Variants in FGGY observed in about 807,000 individuals in gnomAD.
FGGY encodes the protein FGGY carbohydrate kinase domain containing.
A neutral mutation model predicts 71.3 loss-of-function variants in FGGY; 72 were observed. The observed-to-expected ratio is 1.01, with a 90% CI of 0.84 to 1.23. The LOEUF (loss-of-function observed/expected upper bound fraction) is 1.23. FGGY is among the 50% of genes most tolerant of loss of function. The probability of loss-of-function intolerance (pLI) is 0.00; values close to 1 mark genes in which losing one functional copy is unlikely to be tolerated. For synonymous variants in FGGY, 251 were observed against 250.3 expected (o/e 1.00, Z -0.02); for missense variants, 668 against 682.3 (o/e 0.98, Z 0.23).
intron 7 of FGGY, among the ~76,000 whole-genome samples, chr1:59,537,672 G>C (rs368918227): frequency 6.6e-6 from 1 of 152,004 alleles, no homozygotes; most frequent in African/African-American, 2.4e-5. Flanking sequence ...GAACAGAACA[G>C]AGCCCTCAGA....
At chr1:59,358,557 A>C (rs1329170662) in intron 4 of FGGY, among the ~76,000 whole-genome samples, 1 of 152,164 alleles carries the variant, frequency 6.6e-6, no homozygotes, top group Admixed American at 6.5e-5. Flanking sequence ...AAACTTTTAC[A>C]GTGAATACTC....
chr1:59,381,139 C>A (rs1204662135), intron 5 of FGGY, among the ~76,000 whole-genome samples: 1 of 152,034 alleles, frequency 6.6e-6, no homozygotes, highest in Non-Finnish European at 1.5e-5. Context: ...CTGTTCTTTT[C>A]CATTGGTCTA....
chr1:59,554,069 C>A, intron 7 of FGGY, 55 bp from the exon 8 acceptor site: 1 of 1,350,804 alleles, frequency 7.4e-7, no homozygotes, highest in Non-Finnish European at 1.0e-6. Context: ...TTAGCTTTCT[C>A]TCCCTCTTTT....
chr1:59,520,191 G>A (rs2094786266), intron 7 of FGGY, among the ~76,000 whole-genome samples: 1 of 152,212 alleles, frequency 6.6e-6, no homozygotes, highest in Admixed American at 6.5e-5. Context: ...TTCTATAGAA[G>A]CCAAAAAGCA....
chr1:59,351,107 T>G (rs1172006102), intron 4 of FGGY, among the ~76,000 whole-genome samples: 1 of 152,240 alleles, frequency 6.6e-6, no homozygotes, highest in Admixed American at 6.5e-5. Context: ...ATTAAAATTT[T>G]AGTGGCCGTA....
intron 5 of FGGY, among the ~76,000 whole-genome samples, chr1:59,452,784 A>C (rs989534357): frequency 6.6e-6 from 1 of 152,180 alleles, no homozygotes; most frequent in Non-Finnish European, 1.5e-5. Context: ...CCTTGGTGGA[A>C]GCAGCACTCC....
At chr1:59,482,220 A>C (rs1206961138) in intron 6 of FGGY, among the ~76,000 whole-genome samples, 2 of 152,176 alleles carry the variant, frequency 1.3e-5, no homozygotes, top group African/African-American at 4.8e-5. Flanking sequence ...ATGTTTACCA[A>C]GATCCTTTTA....
At chr1:59,762,434 A>G (rs1260046493) in intron 15 of FGGY, 69 bp from the exon 16 acceptor site, 2 of 1,184,254 alleles carry the variant, frequency 1.7e-6, no homozygotes, top group Admixed American at 3.8e-5. Context: ...CCATTCTTCT[A>G]AATGTACAGG....
chr1:59,695,022 T>C (rs1478569800), intron 14 of FGGY, among the ~76,000 whole-genome samples: 1 of 152,184 alleles, frequency 6.6e-6, no homozygotes, highest in Admixed American at 6.5e-5. Context: ...TGTAAGCCCA[T>C]AGCCAAGACA....
chr1:59,721,312 A>G (rs1030386842), intron 14 of FGGY, among the ~76,000 whole-genome samples: 6 of 124,402 alleles, frequency 4.8e-5, no homozygotes, highest in Non-Finnish European at 8.6e-5. Flanking sequence ...AAGATGATAC[A>G]GAGAGTTTTT....
chr1:59,622,382 G>T (rs76670799), intron 9 of FGGY, among the ~76,000 whole-genome samples: 1 of 151,908 alleles, frequency 6.6e-6, no homozygotes, highest in Non-Finnish European at 1.5e-5. Context: ...TCATATTTTG[G>T]ACATTGTGAT....
intron 13 of FGGY, among the ~76,000 whole-genome samples, chr1:59,672,292 C>T (rs1198605119): frequency 6.6e-6 from 1 of 152,194 alleles, no homozygotes; most frequent in Non-Finnish European, 1.5e-5. Flanking sequence ...TGCCATCTAC[C>T]TGAATTCTAA....
intron 5 of FGGY, among the ~76,000 whole-genome samples, chr1:59,395,475 T>C (rs904348558): frequency 6.6e-6 from 1 of 152,232 alleles, no homozygotes; most frequent in Non-Finnish European, 1.5e-5. Flanking sequence ...TGGAAACACC[T>C]GTTTAAGTTG....
chr1:59,729,161 A>G (rs2097990867), intron 14 of FGGY, among the ~76,000 whole-genome samples: 3 of 151,832 alleles, frequency 2.0e-5, no homozygotes, highest in African/African-American at 7.2e-5. Context: ...AGGCCATCAA[A>G]GGCCTTCTTT....
At chr1:59,496,507 T>C (rs575009335) in intron 6 of FGGY, among the ~76,000 whole-genome samples, 1 of 152,006 alleles carries the variant, frequency 6.6e-6, no homozygotes, top group African/African-American at 2.4e-5. Flanking sequence ...GAGAGAACAG[T>C]AGACACTGGG....
intron 1 of FGGY, among the ~76,000 whole-genome samples, chr1:59,298,150 C>T (rs1438541298): frequency 6.6e-6 from 1 of 152,074 alleles, no homozygotes; most frequent in Non-Finnish European, 1.5e-5. Flanking sequence ...CGTGTATGTC[C>T]TGATTTTTTT....
intron 9 of FGGY, among the ~76,000 whole-genome samples, chr1:59,609,726 A>G (rs1330115419): frequency 1.3e-5 from 2 of 152,244 alleles, no homozygotes; most frequent in African/African-American, 4.8e-5. Flanking sequence ...CTGTGAGTTT[A>G]CATTTCTTAG....
intron 10 of FGGY, among the ~76,000 whole-genome samples, chr1:59,628,503 A>T (rs184796188): frequency 2.0e-5 from 3 of 152,320 alleles, no homozygotes; most frequent in Admixed American, 2.0e-4. Flanking sequence ...GAGAAAGGAC[A>T]TTGGTGGAGG....
intron 7 of FGGY, among the ~76,000 whole-genome samples, chr1:59,528,445 CT>C (rs1171922328): frequency 6.6e-6 from 1 of 152,156 alleles, no homozygotes; most frequent in African/African-American, 2.4e-5. Context: ...AGCTTGCTCT[CT>C]TTTACCATTA....
Sources: allele counts gnomAD v4.1 joint callset (sites outside exome capture counted in the v4.1 genomes callset), GRCh38; gene constraint gnomAD v4.1.1; transcripts MANE v1.5; gene names NCBI Gene and HGNC (gene_info 2026-07-23, HGNC 2026-07-21).